The following AGBL2 variants were observed in gnomAD, a reference collection of about 807,000 sequenced individuals.
AGBL2 encodes the protein AGBL carboxypeptidase 2.
A neutral mutation model predicts 103.0 loss-of-function variants in AGBL2; 87 were observed. The observed-to-expected ratio is 0.84, with a 90% CI of 0.71 to 1.01. The LOEUF (loss-of-function observed/expected upper bound fraction) is 1.01, where lower values mean the gene tolerates loss of function less well. Among genes scored for constraint, AGBL2 ranks in the 50% least tolerant of loss-of-function variants. The probability of loss-of-function intolerance (pLI) is 0.00; values close to 1 mark genes in which losing one functional copy is unlikely to be tolerated. For missense variants in AGBL2, 904 were observed against 1,023.5 expected (o/e 0.88, Z 1.59); for synonymous variants, 335 against 356.7 (o/e 0.94, Z 0.69).
At chr11:47,666,825 C>T (rs749355828) in intron 17 of AGBL2, 131 bp downstream of exon 17, 1 of 710,006 alleles carries the variant, frequency 1.4e-6, no homozygotes, top group African/African-American at 1.8e-5. Flanking sequence ...TTAATGTTTT[C>T]TTGCTCCCAG....
chr11:47,709,202 A>C (rs1297447036), intron 4 of AGBL2, among the ~76,000 whole-genome samples: 2 of 152,172 alleles, frequency 1.3e-5, no homozygotes, highest in African/African-American at 4.8e-5. Flanking sequence ...AAAGGGACCT[A>C]ATCAGATTTG....
chr11:47,703,690 C>T lies in AGBL2; in HGVS notation c.586+853G>A, dbSNP rs559773350. 1.1e-4 allele frequency among the ~76,000 whole-genome samples: 17 copies of T among 151,632 alleles called. No homozygotes were observed. The East Asian group carries it at 1.2e-3, about 10-fold the overall frequency. On this transcript the variant is annotated intron_variant, in intron 7 of 18. Transcript: ENST00000525123. ...CTGTAATCCCAGCACTTTGGGAGGC[C>T]GAGGCGGGTGGATCACCTGAGGTTG...
intron 14 of AGBL2, among the ~76,000 whole-genome samples, chr11:47,671,182 C>G (rs1379215013): frequency 6.6e-6 from 1 of 151,988 alleles, no homozygotes; most frequent in Non-Finnish European, 1.5e-5. Context: ...TGGCTAGAAC[C>G]AAGAGCTGTT....
At chr11:47,688,087 C>T (rs2097431293) in intron 10 of AGBL2, among the ~76,000 whole-genome samples, 1 of 152,048 alleles carries the variant, frequency 6.6e-6, no homozygotes, top group African/African-American at 2.4e-5. Context: ...GGATTACAGA[C>T]ATGAGCCACC....
chr11:47,685,937 C>T lies in AGBL2; in HGVS notation c.1744G>A (p.Glu582Lys). The T allele has an allele frequency of 6.2e-7, 1 of 1,614,038 alleles. No homozygotes were observed. Among genetic ancestry groups the T allele is most frequent in the Non-Finnish European group, 8.5e-7 (1 of 1,180,004 alleles). The part of the protein sequence containing the change: ...NNNNRKYWLH[E>K]RVFPLMLCKN... The stretch of plus-strand genomic sequence containing the variant: ...CATAACATTAAAGGAAAGACTCGTT[C>T]ATGAAGCCAGTATTTGCGATTGTTG... Residue 582 changes from glutamate (E) to lysine (K), a missense_variant, in exon 11 of 19, where the codon GAA (glutamate) becomes AAA (lysine). Transcript: ENST00000525123.
intron 13 of AGBL2, among the ~76,000 whole-genome samples, chr11:47,678,343 A>ATTTTTTTTTTTTTTTTTTTTT (rs1440515781): frequency 1.1e-3 from 133 of 116,790 alleles, no homozygotes; most frequent in South Asian, 4.3e-3. Flanking sequence ...TTATTATTTT[A>ATTTTTTTTTTTTTTTTTTTTT]TTTTTTTTGA....
In AGBL2 at chr11:47,697,536, C is replaced by A. The variant is rs1159173945; in HGVS notation, c.694+1910G>T. Among the ~76,000 whole-genome samples, 3 of 137,024 alleles carry A rather than the reference C, an allele frequency of 2.2e-5. No homozygotes were observed. In the East Asian group the frequency reaches 6.4e-4, roughly 29 times the overall value. The allele number at this position is 137,024 out of a possible 152,430, so 89.9% of individuals were successfully genotyped here. ...TACAGGCGTGAGCCACCTCGCCAAG[C>A]CTACTTTTTTTTTTTTTTTTTTTTT... On this transcript the variant is annotated intron_variant, in intron 8 of 18. Coordinates refer to ENST00000525123, the MANE Select transcript of AGBL2 (RefSeq NM_024783.4).
rs1378552907 is a variant in AGBL2, at chr11:47,713,364, AAG to A, written c.97+918_97+919del. ...TATCGCAAAAAAAAAAAAAAAAAGA[AAG>A]AAACAAAAATTACCCAGGCGTGGTG... On this transcript the variant is annotated intron_variant, in intron 3 of 18. Transcript: ENST00000525123. 2.1e-5 allele frequency among the ~76,000 whole-genome samples: 3 copies of A among 146,132 alleles called. No homozygotes were observed. In the East Asian group the frequency reaches 6.3e-4, roughly 31 times the overall value.
At chr11:47,663,178 C>T (rs1394512931) in intron 17 of AGBL2, 66 bp from the exon 18 acceptor site, 9 of 941,910 alleles carry the variant, frequency 9.6e-6, no homozygotes, top group Middle Eastern at 2.2e-4. Context: ...AGTGAATATA[C>T]ATTATTCATT....
intron 7 of AGBL2, among the ~76,000 whole-genome samples, chr11:47,703,883 C>A (rs2097507275): frequency 1.3e-5 from 2 of 150,136 alleles, no homozygotes; most frequent in South Asian, 4.2e-4. Context: ...CGAGCTCATG[C>A]CATTGCACTC....
chr11:47,660,013 T>C lies in AGBL2; in HGVS notation c.*160A>G, dbSNP rs910491472. ...TCATGAGGTATGCATCTTGACCACA[T>C]GCCCACAGTGTAAGTACAAAGTGTA... On this transcript the variant is annotated 3_prime_UTR_variant, in exon 19 of 19. Coordinates refer to ENST00000525123, the MANE Select transcript of AGBL2 (RefSeq NM_024783.4). 1.8e-5 allele frequency: 11 copies of C among 627,968 alleles called. No individual in the cohort carries two copies. Among genetic ancestry groups the C allele is most frequent in the African/African-American group, 1.5e-4 (8 of 53,020 alleles). The allele number at this position is 627,968 out of a possible 1,614,324, so 38.9% of individuals were successfully genotyped here.
intron 8 of AGBL2, among the ~76,000 whole-genome samples, chr11:47,695,334 G>T (rs866956012): frequency 1.3e-5 from 2 of 151,826 alleles, no homozygotes. Flanking sequence ...AATTAGTCAG[G>T]TGTGATGGTA....
intron 15 of AGBL2, 95 bp from the exon 16 acceptor site, chr11:47,667,791 C>T (rs10742817): frequency 0.42 from 574,938 of 1,353,122 alleles, 127,367 homozygotes; most frequent in South Asian, 0.53. Flanking sequence ...GACACAAAGG[C>T]TAACTCGGTA....
intron 16 of AGBL2, 100 bp downstream of exon 16, chr11:47,667,471 T>A: frequency 3.6e-6 from 5 of 1,386,088 alleles, no homozygotes; most frequent in Non-Finnish European, 3.9e-6. Flanking sequence ...CCAATCTCCA[T>A]CCCCTTTTTG....
chr11:47,690,865 T>A lies in AGBL2; in HGVS notation c.849-7A>T. 6.3e-7 allele frequency: 1 copy of A among 1,599,662 alleles called. No individual in the cohort carries two copies. The highest frequency in any genetic ancestry group is 2.2e-5 in the East Asian group (1 of 44,812). On this transcript the variant is annotated splice_region_variant and splice_polypyrimidine_tract_variant and intron_variant, in intron 9 of 18. Transcript: ENST00000525123. ...TTCATACTCATAGGTGTCTCTGTAA[T>A]GGAGAAAATAGAACAACTCTGTAAG... is the stretch of plus-strand genomic sequence containing the variant.
intron 18 of AGBL2, among the ~76,000 whole-genome samples, chr11:47,660,550 A>G (rs2097325341): frequency 7.4e-6 from 1 of 134,578 alleles, no homozygotes. Flanking sequence ...GGTCAACATG[A>G]GACACATTTT....
At chr11:47,665,372 T>A (rs961176397) in intron 17 of AGBL2, among the ~76,000 whole-genome samples, 6 of 151,640 alleles carry the variant, frequency 4.0e-5, no homozygotes, top group African/African-American at 7.3e-5. Flanking sequence ...TTAAAAAAAA[T>A]TTTTGTAGAG....
intron 8 of AGBL2, among the ~76,000 whole-genome samples, chr11:47,693,150 G>GCCTC (rs2097454638): frequency 6.6e-6 from 1 of 150,450 alleles, no homozygotes; most frequent in South Asian, 2.1e-4. Flanking sequence ...TTCCCTCCCT[G>GCCTC]CCTCCCTCCC....
At chr11:47,704,431 T>G in intron 7 of AGBL2, 112 bp downstream of exon 7, 7 of 868,946 alleles carry the variant, frequency 8.1e-6, no homozygotes, top group Non-Finnish European at 1.0e-5. Context: ...TGCAGTGAGC[T>G]GAGATTGCGC....
Sources: allele counts gnomAD v4.1 joint callset (sites outside exome capture counted in the v4.1 genomes callset), GRCh38; gene constraint gnomAD v4.1.1; transcripts MANE v1.5; gene names NCBI Gene and HGNC (gene_info 2026-07-23, HGNC 2026-07-21).